PCTP: variants seen among roughly 807,000 people sequenced by gnomAD.
PCTP encodes the protein phosphatidylcholine transfer protein.
In PCTP, 27 loss-of-function variants were observed where a neutral mutation model predicts 31.0. The observed-to-expected ratio is 0.87, with a 90% CI of 0.64 to 1.20. The LOEUF (loss-of-function observed/expected upper bound fraction) is 1.20, where lower values mean the gene tolerates loss of function less well. Among genes scored for constraint, PCTP ranks in the 50% most tolerant of loss-of-function variants. The pLI, the probability that PCTP is intolerant of heterozygous loss-of-function variation, is 0.00. For missense variants in PCTP, 287 were observed against 268.2 expected, an observed-to-expected ratio of 1.07 and a Z score of -0.49; for synonymous variants, 108 against 101.2, an observed-to-expected ratio of 1.07 and a Z score of -0.40.
chr17:55,772,640 T>C (rs926715933), intron 3 of PCTP, among the ~76,000 whole-genome samples: 3 of 151,648 alleles, frequency 2.0e-5, no homozygotes, highest in African/African-American at 7.3e-5. Flanking sequence ...CATGTTATAG[T>C]AAGTGTAATT....
intron 1 of PCTP, among the ~76,000 whole-genome samples, chr17:55,760,785 A>G (rs1910302088): frequency 6.6e-6 from 1 of 151,858 alleles, no homozygotes; most frequent in Non-Finnish European, 1.5e-5. Flanking sequence ...TCAGGGGAGC[A>G]TCTCAGTGGG....
intron 5 of PCTP, among the ~76,000 whole-genome samples, chr17:55,832,591 AC>A (rs1221085078): frequency 6.6e-6 from 1 of 152,198 alleles, no homozygotes; most frequent in East Asian, 1.9e-4. Context: ...GATGGCTTCA[AC>A]CTGAGTGTGT....
intron 1 of PCTP, among the ~76,000 whole-genome samples, chr17:55,757,447 GACACACACACAC>G (rs72053094): frequency 2.8e-5 from 4 of 144,926 alleles, no homozygotes; most frequent in African/African-American, 5.1e-5. Context: ...AGGAAACTGA[GACACACACACAC>G]ACACACACAC....
intron 5 of PCTP, among the ~76,000 whole-genome samples, chr17:55,830,421 A>G (rs1905556480): frequency 6.6e-6 from 1 of 151,604 alleles, no homozygotes; most frequent in South Asian, 2.1e-4. Flanking sequence ...CTAGTCAGCG[A>G]TTTTTTTTTC....
chr17:55,847,632 G>A (rs1184979298), downstream of PCTP, among the ~76,000 whole-genome samples: 1 of 152,128 alleles, frequency 6.6e-6, no homozygotes, highest in Admixed American at 6.5e-5. Flanking sequence ...AAATTACCTA[G>A]TCTCTGGTAG....
downstream of PCTP, among the ~76,000 whole-genome samples, chr17:55,825,180 G>A (rs1905356463): frequency 6.6e-6 from 1 of 152,118 alleles, no homozygotes; most frequent in Admixed American, 6.5e-5. Context: ...TATGTCGAGG[G>A]CATGGCTGAA....
chr17:55,838,012 T>C (rs1303374779), intron 5 of PCTP, among the ~76,000 whole-genome samples: 3 of 151,864 alleles, frequency 2.0e-5, no homozygotes, highest in Non-Finnish European at 4.4e-5. Flanking sequence ...CATGATAGTG[T>C]GCACCTTTAG....
chr17:55,751,495 A>G, intron 1 of PCTP: 1 of 1,502,478 alleles, frequency 6.7e-7, no homozygotes, highest in Non-Finnish European at 8.9e-7. Context: ...CCGACGGGGC[A>G]TGTAGTTAGA....
At chr17:55,835,659 G>T (rs539703088) in intron 5 of PCTP, among the ~76,000 whole-genome samples, 1 of 152,114 alleles carries the variant, frequency 6.6e-6, no homozygotes, top group African/African-American at 2.4e-5. Context: ...AGACATTGTC[G>T]CTAAGACAAT....
Position 55,774,791 on chromosome 17 carries a change from G to C in PCTP, c.512-1G>C, listed in dbSNP as rs780990430. The C allele has an allele frequency of 6.3e-7, 1 of 1,593,604 alleles. No individual in the cohort carries two copies. Among genetic ancestry groups the C allele is most frequent in the Non-Finnish European group, 8.6e-7 (1 of 1,167,534 alleles). ...GAATTGTCCTTTCTTTCCCTCTCTA[G>C]TTTTCATGTATTACTTCGATAACCC... On this transcript the variant is annotated splice_acceptor_variant, in intron 4 of 5. Coordinates refer to ENST00000268896, the MANE Select transcript of PCTP (RefSeq NM_021213.4). LOFTEE classifies it high-confidence loss of function.
chr17:55,792,049 C>T (rs1039620125), intron 3 of PCTP, among the ~76,000 whole-genome samples: 9 of 148,790 alleles, frequency 6.0e-5, no homozygotes, highest in African/African-American at 1.3e-4. Flanking sequence ...AGTAAACTAT[C>T]ACAAGAACAA....
intron 1 of PCTP, among the ~76,000 whole-genome samples, chr17:55,764,830 A>G (rs1910550877): frequency 6.6e-6 from 1 of 152,242 alleles, no homozygotes. Flanking sequence ...CATGGATGCA[A>G]GAGTTCATCC....
chr17:55,809,517 C>G (rs1320459510), intron 3 of PCTP, among the ~76,000 whole-genome samples: 3 of 148,358 alleles, frequency 2.0e-5, no homozygotes, highest in Middle Eastern at 3.3e-3. Context: ...AGAGCATTCT[C>G]AGAGTCTTTT....
chr17:55,841,728 C>A (rs1033069543), intron 5 of PCTP, among the ~76,000 whole-genome samples: 5 of 152,234 alleles, frequency 3.3e-5, no homozygotes, highest in South Asian at 2.1e-4. Context: ...CAATTCCAAT[C>A]AGTCCTCTGT....
At chr17:55,763,700 T>G (rs572371750) in intron 1 of PCTP, among the ~76,000 whole-genome samples, 6 of 152,314 alleles carry the variant, frequency 3.9e-5, no homozygotes, top group Non-Finnish European at 8.8e-5. Context: ...AGTAGATATT[T>G]TTGGATTATG....
chr17:55,788,552 C>T (rs1241833519), intron 3 of PCTP, among the ~76,000 whole-genome samples: 11 of 152,262 alleles, frequency 7.2e-5, no homozygotes, highest in Admixed American at 2.0e-4. Flanking sequence ...CCTCATGGAA[C>T]TTATGATCCA....
chr17:55,848,169 C>A, the PCTP span, among the ~76,000 whole-genome samples: 2 of 152,276 alleles, frequency 1.3e-5, no homozygotes, highest in East Asian at 3.9e-4. Context: ...CTCAGCCTCC[C>A]CAGTTGCTGA....
intron 1 of PCTP, among the ~76,000 whole-genome samples, chr17:55,755,141 G>T (rs780733338): frequency 2.6e-5 from 4 of 152,138 alleles, no homozygotes; most frequent in Non-Finnish European, 5.9e-5. Context: ...CTGAGATAGA[G>T]TTGCTCCCCT....
At chr17:55,833,901 T>G (rs1026518809) in intron 5 of PCTP, among the ~76,000 whole-genome samples, 1 of 152,248 alleles carries the variant, frequency 6.6e-6, no homozygotes, top group Non-Finnish European at 1.5e-5. Flanking sequence ...CTTCAAATCC[T>G]TCACATATCA....
Sources: allele counts gnomAD v4.1 joint callset (sites outside exome capture counted in the v4.1 genomes callset), GRCh38; gene constraint gnomAD v4.1.1; transcripts MANE v1.5; gene names NCBI Gene and HGNC (gene_info 2026-07-23, HGNC 2026-07-21).